The following DACH2 variants were observed in gnomAD, a reference collection of about 807,000 sequenced individuals.
DACH2 encodes the protein dachshund family transcription factor 2.
A neutral mutation model predicts 35.8 loss-of-function variants in DACH2; 17 were observed. The observed-to-expected ratio is 0.48, with a 90% CI of 0.33 to 0.71. The LOEUF (loss-of-function observed/expected upper bound fraction) is 0.71, where lower values mean the gene tolerates loss of function less well. Ranked by LOEUF, DACH2 falls within the 30% of genes least tolerant of loss-of-function variation. The pLI is 0.02. For synonymous variants in DACH2, 195 were observed against 177.3 expected (o/e 1.10, Z -0.79); for missense variants, 469 against 472.7 (o/e 0.99, Z 0.07).
chrX:86,408,486 C>G (rs757412368), intron 2 of DACH2, among the ~76,000 whole-genome samples: 4 of 111,877 alleles, frequency 3.6e-5, no homozygotes, highest in African/African-American at 1.3e-4. Flanking sequence ...GTGAATAACA[C>G]TGTTGTTTCT....
At chrX:86,488,627 A>G (rs1192783305) in intron 2 of DACH2, among the ~76,000 whole-genome samples, 1 of 111,341 alleles carries the variant, frequency 9.0e-6, no homozygotes, top group Non-Finnish European at 1.9e-5. Flanking sequence ...TTACCACAGG[A>G]AATATAAATA....
At chrX:86,404,227 A>C (rs973304705) in intron 2 of DACH2, among the ~76,000 whole-genome samples, 5 of 111,016 alleles carry the variant, frequency 4.5e-5, no homozygotes, top group Non-Finnish European at 9.4e-5. Flanking sequence ...CCCTTCCAAC[A>C]GTCCCCCAGA....
At chrX:86,796,686 T>G (rs2042242294) in intron 7 of DACH2, among the ~76,000 whole-genome samples, 1 of 112,246 alleles carries the variant, frequency 8.9e-6, no homozygotes, top group Admixed American at 9.4e-5. Context: ...ATTTACACAT[T>G]CATAAAAACA....
At chrX:86,337,240 C>T (rs2035328635) in intron 1 of DACH2, among the ~76,000 whole-genome samples, 1 of 111,162 alleles carries the variant, frequency 9.0e-6, no homozygotes. Context: ...CACAAAGATA[C>T]TCCTCGAGAA....
chrX:86,546,320 T>TTTC (rs200687898), intron 3 of DACH2, among the ~76,000 whole-genome samples: 3 of 78,960 alleles, frequency 3.8e-5, no homozygotes, highest in Non-Finnish European at 7.7e-5. Flanking sequence ...CTCCTACCTC[T>TTTC]TTCTTCTTCT....
chrX:86,337,188 C>G lies in DACH2; in HGVS notation c.489-39636C>G, dbSNP rs369278765. Among the ~76,000 whole-genome samples, 36 of 111,343 alleles carry G rather than the reference C, an allele frequency of 3.2e-4. No individual in the cohort carries two copies. In the East Asian group the frequency reaches 3.7e-3, roughly 12 times the overall value. On this transcript the variant is annotated intron_variant, in intron 1 of 11. Transcript: ENST00000373125. The stretch of plus-strand genomic sequence containing the variant: ...ACCCAGGAGAACTTCTTCAACCTAT[C>G]AAGACAGGCCAACATTCAAATTCAG...
chrX:86,167,740 G>C (rs1456610927), intron 1 of DACH2, among the ~76,000 whole-genome samples: 1 of 110,459 alleles, frequency 9.1e-6, no homozygotes, highest in Non-Finnish European at 1.9e-5. Context: ...GGTATTTTGT[G>C]GTTCTATTAT....
intron 7 of DACH2, among the ~76,000 whole-genome samples, chrX:86,778,621 T>G (rs1489028625): frequency 9.0e-6 from 1 of 110,856 alleles, no homozygotes; most frequent in East Asian, 2.8e-4. Flanking sequence ...TTTCTTTTTC[T>G]TTTTTTTGAG....
intron 3 of DACH2, among the ~76,000 whole-genome samples, chrX:86,608,279 G>A (rs1350859280): frequency 9.0e-6 from 1 of 111,547 alleles, no homozygotes; most frequent in Non-Finnish European, 1.9e-5. Flanking sequence ...AGGTGCTGGA[G>A]AGCATGTGGA....
At chrX:86,713,068 T>C (rs781308444) in intron 5 of DACH2, among the ~76,000 whole-genome samples, 2 of 111,726 alleles carry the variant, frequency 1.8e-5, no homozygotes, top group Non-Finnish European at 3.8e-5. Flanking sequence ...CTTACCTACC[T>C]GGAAATGTAA....
At chrX:86,748,760 G>A (rs1157917170) in intron 7 of DACH2, among the ~76,000 whole-genome samples, 1 of 111,760 alleles carries the variant, frequency 8.9e-6, no homozygotes, top group Admixed American at 9.5e-5. Context: ...GAGTTAGCCT[G>A]TCCTTTGAAG....
At chrX:86,664,626 T>C (rs763080538) in intron 4 of DACH2, among the ~76,000 whole-genome samples, 1 of 112,137 alleles carries the variant, frequency 8.9e-6, no homozygotes, top group Non-Finnish European at 1.9e-5. Context: ...ATCAACATCA[T>C]GAAAGACACT....
chrX:86,266,894 T>A (rs1376143609), intron 1 of DACH2, among the ~76,000 whole-genome samples: 1 of 112,166 alleles, frequency 8.9e-6, no homozygotes, highest in Non-Finnish European at 1.9e-5. Flanking sequence ...AATATTGAAC[T>A]GTTGTCTTTG....
At chrX:86,278,414 A>G (rs1369970375) in intron 1 of DACH2, among the ~76,000 whole-genome samples, 8 of 111,928 alleles carry the variant, frequency 7.1e-5, no homozygotes, top group Non-Finnish European at 1.5e-4. Flanking sequence ...AAATGCATCC[A>G]CAACCAGCAG....
chrX:86,323,634 G>T (rs1222714832), intron 1 of DACH2, among the ~76,000 whole-genome samples: 2 of 112,013 alleles, frequency 1.8e-5, no homozygotes, highest in African/African-American at 6.5e-5. Flanking sequence ...GGCATAGGGG[G>T]CTGGTTGGGG....
intron 7 of DACH2, among the ~76,000 whole-genome samples, chrX:86,761,966 C>T (rs753978894): frequency 9.1e-6 from 1 of 110,177 alleles, no homozygotes; most frequent in Admixed American, 9.7e-5. Context: ...GTTCTTTAGT[C>T]CCTAGGCAGT....
intron 7 of DACH2, among the ~76,000 whole-genome samples, chrX:86,782,803 C>G (rs192286210): frequency 3.6e-5 from 4 of 111,226 alleles, no homozygotes; most frequent in African/African-American, 6.5e-5. Context: ...AACTATGAAA[C>G]TACTACAGGA....
intron 3 of DACH2, among the ~76,000 whole-genome samples, chrX:86,610,402 TTTCTTTCTTTCTTTCTTTTC>T (rs549449214): frequency 0.044 from 3,755 of 85,497 alleles, 115 homozygotes; most frequent in East Asian, 0.14. Context: ...TCTTTCTTTC[TTTCTTTCTTTCTTTCTTTTC>T]TTTCTTTCTT....
At chrX:86,275,753 G>T (rs959605781) in intron 1 of DACH2, among the ~76,000 whole-genome samples, 1 of 111,407 alleles carries the variant, frequency 9.0e-6, no homozygotes, top group Non-Finnish European at 1.9e-5. Context: ...CTGTATTCAT[G>T]AGTTCAATTG....
Sources: gnomAD v4.1 joint callset for allele counts (sites outside exome capture counted in the v4.1 genomes callset) on GRCh38, gnomAD v4.1.1 for gene constraint, MANE v1.5 for transcripts, NCBI Gene and HGNC (gene_info 2026-07-23, HGNC 2026-07-21) for gene names.